The following TRIM26 variants were observed in gnomAD, a reference collection of about 807,000 sequenced individuals.
The protein encoded by TRIM26 is tripartite motif-containing protein 26.
Under a neutral mutation model 45.5 loss-of-function variants are expected in TRIM26, and 16 were observed. The observed-to-expected ratio is 0.35, with a 90% CI of 0.24 to 0.53. The LOEUF (loss-of-function observed/expected upper bound fraction) is 0.53. TRIM26 is among the 20% of genes least tolerant of loss of function. The pLI is 0.92. For missense variants in TRIM26, 442 were observed against 691.1 expected, an observed-to-expected ratio of 0.64 and a Z score of 4.04; for synonymous variants, 273 against 290.4, an observed-to-expected ratio of 0.94 and a Z score of 0.61.
At chr6:30,211,304 T>C (rs1036102695) in intron 1 of TRIM26, among the ~76,000 whole-genome samples, 2 of 152,218 alleles carry the variant, frequency 1.3e-5, no homozygotes, top group Non-Finnish European at 2.9e-5. Context: ...CAAAATTCCA[T>C]TTCTATAAAG....
At chr6:30,188,303 TA>T in intron 9 of TRIM26, 1 of 537,418 alleles carries the variant, frequency 1.9e-6, no homozygotes, top group South Asian at 5.7e-5. Flanking sequence ...TCATCTGTTG[TA>T]ACACAAGCAT....
At chr6:30,212,230 C>A (rs949845688) in intron 1 of TRIM26, among the ~76,000 whole-genome samples, 3 of 152,206 alleles carry the variant, frequency 2.0e-5, no homozygotes, top group Non-Finnish European at 4.4e-5. Flanking sequence ...CAGTATTCTT[C>A]AATGCTGTCA....
chr6:30,208,051 A>C (rs1018812290), intron 1 of TRIM26, among the ~76,000 whole-genome samples: 4 of 152,186 alleles, frequency 2.6e-5, no homozygotes, highest in African/African-American at 9.7e-5. Context: ...ACAAGGAGAG[A>C]GATTGTGTCT....
chr6:30,191,597 G>A (rs1775851940), intron 6 of TRIM26, among the ~76,000 whole-genome samples: 1 of 152,094 alleles, frequency 6.6e-6, no homozygotes. Context: ...CTGGCTTCCT[G>A]GAGAGGGTGA....
intron 1 of TRIM26, among the ~76,000 whole-genome samples, chr6:30,208,163 G>A (rs1777905878): frequency 6.6e-6 from 1 of 152,220 alleles, no homozygotes; most frequent in South Asian, 2.1e-4. Context: ...CAAAGAAGAT[G>A]CTTCCTACAC....
At chr6:30,193,184 T>TATATATATA (rs1377622743) in intron 6 of TRIM26, among the ~76,000 whole-genome samples, 1 of 34,870 alleles carries the variant, frequency 2.9e-5, no homozygotes, top group African/African-American at 1.5e-4. Flanking sequence ...ATATATATAT[T>TATATATATA]TTTTTTTTTT....
Position 30,209,324 on chromosome 6 carries a change from C to A in TRIM26, c.-376+3981G>T, listed in dbSNP as rs1778045449. Among the ~76,000 whole-genome samples, 1 of 152,100 alleles carries A rather than the reference C, an allele frequency of 6.6e-6. No homozygotes were observed. The highest frequency in any genetic ancestry group is 2.4e-5 in the African/African-American group (1 of 41,404). ...GGCAAAATATTTTTTTGATGTGGAG[C>A]ATAAAATAAGGGCACATAAAAGATT... On this transcript the variant is annotated intron_variant, in intron 1 of 9. Transcript: ENST00000454678. This position sits in a 1 kb window ranked among gnomAD's most constrained non-coding sequence, Gnocchi z 4.8.
intron 6 of TRIM26, among the ~76,000 whole-genome samples, chr6:30,194,353 A>T (rs1009217155): frequency 6.6e-6 from 1 of 152,214 alleles, no homozygotes; most frequent in Non-Finnish European, 1.5e-5. Flanking sequence ...TGGTTAACAG[A>T]TACAAAGTTA....
rs115778053 is a variant in TRIM26, at chr6:30,188,323, T to C, written c.937+844A>G. The C allele has an allele frequency of 3.8e-3, 2,147 of 564,340 alleles. 27 individuals are homozygous for C. The highest frequency in any genetic ancestry group is 0.033 in the African/African-American group (1,648 of 50,652). The allele number at this position is 564,340 out of a possible 1,614,324, so 35.0% of individuals were successfully genotyped here. A position where few individuals can be genotyped will look rare whatever the true frequency, so the allele number is the denominator to read the frequency against. The stretch of plus-strand genomic sequence containing the variant: ...TGTTGTAACACAAGCATTCAGGGTC[T>C]CTGTAAACTGTTCAATTTCAGTTTC... On this transcript the variant is annotated intron_variant, in intron 9 of 9. Coordinates refer to ENST00000454678, the MANE Select transcript of TRIM26 (RefSeq NM_003449.5).
chr6:30,205,280 G>A (rs1777614386), intron 1 of TRIM26, among the ~76,000 whole-genome samples: 1 of 152,036 alleles, frequency 6.6e-6, no homozygotes, highest in Non-Finnish European at 1.5e-5. Context: ...GAAGCTAGCT[G>A]CAATTCTATA....
rs1437459374 is a variant in TRIM26, at chr6:30,198,833, C to T, written c.271G>A (p.Glu91Lys). ...GCATCCTGCTGCTCCCGGGTCACCT[C>T]TCCCGGCTGCCTGCCCTTGTCCACC... ...LKVDKGRQPG[E>K]VTREQQDAKL... The change falls in exon 4 of 10, where the codon GAG (glutamate) becomes AAG (lysine). Residue 91 changes from glutamate (E) to lysine (K), a missense_variant. Coordinates refer to ENST00000454678, the MANE Select transcript of TRIM26 (RefSeq NM_003449.5). This position sits in a 1 kb window ranked among gnomAD's most constrained non-coding sequence, Gnocchi z 6.3. The T allele has an allele frequency of 1.2e-6, 2 of 1,612,666 alleles. No individual in the cohort carries two copies. The highest frequency in any genetic ancestry group is 2.7e-5 in the African/African-American group (2 of 74,900).
At chr6:30,205,156 G>T (rs963090189) in intron 1 of TRIM26, among the ~76,000 whole-genome samples, 1 of 152,108 alleles carries the variant, frequency 6.6e-6, no homozygotes, top group African/African-American at 2.4e-5. Context: ...CAGGAGAATC[G>T]CTTGAACCCA....
At chr6:30,205,083 A>C (rs1029863805) in intron 1 of TRIM26, among the ~76,000 whole-genome samples, 1 of 152,062 alleles carries the variant, frequency 6.6e-6, no homozygotes, top group Non-Finnish European at 1.5e-5. Context: ...CTCTACTAAC[A>C]ATACAAAATT....
chr6:30,189,295 T>G lies in TRIM26; in HGVS notation c.905-96A>C. The G allele has an allele frequency of 2.5e-6, 4 of 1,590,208 alleles. No individual in the cohort carries two copies. Among genetic ancestry groups the G allele is most frequent in the Non-Finnish European group, 2.6e-6 (3 of 1,159,468 alleles). On this transcript the variant is annotated intron_variant, in intron 8 of 9. Coordinates refer to ENST00000454678, the MANE Select transcript of TRIM26 (RefSeq NM_003449.5). This position sits in a 1 kb window ranked among gnomAD's most constrained non-coding sequence, Gnocchi z 5.0. Reference sequence around the variant, plus strand: ...ATCAATTTCCTGATAGGGATCCATGTCTAAGACAAGAGGCCCTCAGAAGAG... The same window carrying G: ...ATCAATTTCCTGATAGGGATCCATGGCTAAGACAAGAGGCCCTCAGAAGAG...
intron 6 of TRIM26, among the ~76,000 whole-genome samples, chr6:30,194,004 T>C (rs879452214): frequency 2.6e-5 from 4 of 152,200 alleles, no homozygotes; most frequent in Non-Finnish European, 5.9e-5. Context: ...CATATAAGTA[T>C]AGCCGTTACG....
Position 30,209,794 on chromosome 6 carries a change from G to A in TRIM26, c.-376+3511C>T, listed in dbSNP as rs1287225943. Among the ~76,000 whole-genome samples, 10 of 151,816 alleles carry A rather than the reference G, an allele frequency of 6.6e-5. No individual in the cohort carries two copies. The East Asian group carries it at 1.7e-3, about 27-fold the overall frequency. On this transcript the variant is annotated intron_variant, in intron 1 of 9. Transcript: ENST00000454678. This position sits in a 1 kb window ranked among gnomAD's most constrained non-coding sequence, Gnocchi z 4.8. ...GCAGGAGGATCCCTTGAATCCAGGGGTTCAAGACTAGCCTGGCCAACATAG... is the reference window on the plus strand; with the variant it reads ...GCAGGAGGATCCCTTGAATCCAGGGATTCAAGACTAGCCTGGCCAACATAG...
At chr6:30,195,579 G>C (rs1776374688) in intron 6 of TRIM26, among the ~76,000 whole-genome samples, 1 of 152,116 alleles carries the variant, frequency 6.6e-6, no homozygotes, top group Non-Finnish European at 1.5e-5. Flanking sequence ...TCACAACAAT[G>C]AGGAGCAGGT....
In TRIM26 at chr6:30,189,401, C is replaced by T. The variant is rs775008720; in HGVS notation, c.904+17G>A. ...CCTGCTCTGACTCCCACCCTTTGTG[C>T]GCTCCCCAACCCTTACCCTGGAATT... On this transcript the variant is annotated intron_variant, in intron 8 of 9. Coordinates refer to ENST00000454678, the MANE Select transcript of TRIM26 (RefSeq NM_003449.5). This position sits in a 1 kb window ranked among gnomAD's most constrained non-coding sequence, Gnocchi z 5.0. 3.1e-6 allele frequency: 5 copies of T among 1,610,892 alleles called. No homozygotes were observed. Among genetic ancestry groups the T allele is most frequent in the Non-Finnish European group, 4.2e-6 (5 of 1,178,158 alleles).
chr6:30,202,216 T>TG (rs1347079512), intron 2 of TRIM26, among the ~76,000 whole-genome samples: 1 of 152,222 alleles, frequency 6.6e-6, no homozygotes, highest in Non-Finnish European at 1.5e-5. Context: ...GGCTCCATGC[T>TG]GGGGTTTGAT....
Sources: allele counts gnomAD v4.1 joint callset (sites outside exome capture counted in the v4.1 genomes callset), GRCh38; gene constraint gnomAD v4.1.1; non-coding constraint Gnocchi (gnomAD v3.1); transcripts MANE v1.5; gene names NCBI Gene and HGNC (gene_info 2026-07-23, HGNC 2026-07-21).